Variants in COPS4 observed in about 807,000 individuals in gnomAD.
The protein encoded by COPS4 is COP9 signalosome complex subunit 4.
A neutral mutation model predicts 55.1 loss-of-function variants in COPS4; 8 were observed. The ratio of observed to expected loss-of-function variants is 0.15; its 90% CI spans 0.09 to 0.26. The LOEUF (loss-of-function observed/expected upper bound fraction) is 0.26. Among genes scored for constraint, COPS4 ranks in the 10% least tolerant of loss-of-function variants. The pLI, the probability that COPS4 is intolerant of heterozygous loss-of-function variation, is 1.00. For synonymous variants in COPS4, 185 were observed against 165.7 expected (o/e 1.12, Z -0.90); for missense variants, 248 against 484.0 (o/e 0.51, Z 4.58).
At chr4:83,065,887 G>T (rs1731280808) in intron 7 of COPS4, among the ~76,000 whole-genome samples, 1 of 152,230 alleles carries the variant, frequency 6.6e-6, no homozygotes, top group South Asian at 2.1e-4. Flanking sequence ...TGGTGCCGCG[G>T]CTCATGCCTG....
At chr4:83,042,567 C>G (rs1346783619) in intron 1 of COPS4, among the ~76,000 whole-genome samples, 2 of 150,772 alleles carry the variant, frequency 1.3e-5, no homozygotes, top group Non-Finnish European at 3.0e-5. Context: ...GCACACGCCA[C>G]CACAGCTGGC....
intron 8 of COPS4, among the ~76,000 whole-genome samples, 194 bp downstream of exon 8, chr4:83,066,747 T>C (rs571580388): frequency 6.6e-6 from 1 of 152,332 alleles, no homozygotes; most frequent in South Asian, 2.1e-4. Flanking sequence ...GCCTAGTGTT[T>C]ATTAGTGGAA....
At chr4:83,048,093 A>G (rs187797454) in intron 2 of COPS4, among the ~76,000 whole-genome samples, 42 of 152,354 alleles carry the variant, frequency 2.8e-4, no homozygotes, top group African/African-American at 9.6e-4. Flanking sequence ...TAGTTATAAT[A>G]GTAACATTTG....
At chr4:83,056,236 G>A (rs1731010077) in intron 4 of COPS4, among the ~76,000 whole-genome samples, 1 of 151,900 alleles carries the variant, frequency 6.6e-6, no homozygotes, top group Admixed American at 6.6e-5. Context: ...CCGGCCTTAG[G>A]ATTTATTTTC....
chr4:83,048,419 C>T (rs905396775), intron 2 of COPS4, among the ~76,000 whole-genome samples: 2 of 152,024 alleles, frequency 1.3e-5, no homozygotes, highest in Non-Finnish European at 2.9e-5. Flanking sequence ...GCAGCACTTG[C>T]TTTATTTAAA....
intron 6 of COPS4, among the ~76,000 whole-genome samples, chr4:83,060,248 A>G (rs1361815591): frequency 4.7e-5 from 7 of 147,392 alleles, no homozygotes; most frequent in South Asian, 2.1e-4. Context: ...CAGTGGCACT[A>G]TCTCGGCTCA....
chr4:83,049,442 C>A, intron 3 of COPS4, 125 bp downstream of exon 3: 1 of 796,038 alleles, frequency 1.3e-6, no homozygotes, highest in Non-Finnish European at 1.9e-6. Flanking sequence ...GTGTGCCAAA[C>A]GACATTTTAT....
At chr4:83,056,465 A>AG (rs1731017221) in intron 4 of COPS4, among the ~76,000 whole-genome samples, 1 of 152,234 alleles carries the variant, frequency 6.6e-6, no homozygotes, top group Non-Finnish European at 1.5e-5. Flanking sequence ...GATAATAAAA[A>AG]TTCAATAAAA....
rs529641623 is a variant in COPS4 at position 83,043,487 on chromosome 4, C to G, written c.75-2139C>G. On this transcript the variant is annotated intron_variant, in intron 1 of 9. Transcript: ENST00000264389. ...TGAGCTATGATCATGTCACTGCACT[C>G]TAGCCTGGGCGACAGAGTGAGACCC... is the stretch of plus-strand genomic sequence containing the variant. Among the ~76,000 whole-genome samples the G allele has an allele frequency of 3.2e-5, 4 of 125,456 alleles. No homozygotes were observed. The East Asian group carries it at 9.9e-4, about 31-fold the overall frequency. 82.3% of individuals were successfully genotyped at this position (125,456 alleles called of 152,430 possible). A position where few individuals can be genotyped will look rare whatever the true frequency, so the allele number is the denominator to read the frequency against.
chr4:83,055,156 A>G (rs904367398), intron 4 of COPS4, among the ~76,000 whole-genome samples: 7 of 152,214 alleles, frequency 4.6e-5, no homozygotes, highest in Non-Finnish European at 1.0e-4. Context: ...TGGTGGCACC[A>G]CTTTTGCAGG....
chr4:83,035,196 C>G lies in COPS4; in HGVS notation c.-29C>G, dbSNP rs1730383106. On this transcript the variant is annotated 5_prime_UTR_variant, in exon 1 of 10. Coordinates refer to ENST00000264389, the MANE Select transcript of COPS4 (RefSeq NM_016129.3). ...GTTTTCTTTTTGGCTGCCAGAGGCC[C>G]CCGCATCCACCGCTGAGCTGGGAGA... 1 of 1,536,870 alleles carries G rather than the reference C, an allele frequency of 6.5e-7. No homozygotes were observed. Among genetic ancestry groups the G allele is most frequent in the Non-Finnish European group, 8.8e-7 (1 of 1,130,462 alleles).
At chr4:83,048,578 ATTAT>A (rs1218716837) in intron 2 of COPS4, among the ~76,000 whole-genome samples, 1 of 152,044 alleles carries the variant, frequency 6.6e-6, no homozygotes, top group African/African-American at 2.4e-5. Context: ...ACTTTTTTCA[ATTAT>A]TTCTGTTTCT....
At chr4:83,073,325 A>G in intron 9 of COPS4, 1 of 687,578 alleles carries the variant, frequency 1.5e-6, no homozygotes, top group Non-Finnish European at 2.7e-6. Flanking sequence ...TCAGCATAGT[A>G]TCTTTAGGGT....
intron 8 of COPS4, among the ~76,000 whole-genome samples, chr4:83,066,902 T>C (rs1731304880): frequency 6.6e-6 from 1 of 152,322 alleles, no homozygotes; most frequent in African/African-American, 2.4e-5. Flanking sequence ...AAAGTACCAA[T>C]GACATTCAGA....
rs376606343 is a variant in COPS4, at chr4:83,050,022, G to A, written c.410+38G>A. 3.1e-5 allele frequency: 37 copies of A among 1,184,328 alleles called. No homozygotes were observed. The African/African-American group carries it at 4.2e-4, about 13-fold the overall frequency. The allele number at this position is 1,184,328 out of a possible 1,614,324, so 73.4% of individuals were successfully genotyped here. A position where few individuals can be genotyped will look rare whatever the true frequency, so the allele number is the denominator to read the frequency against. On this transcript the variant is annotated intron_variant, in intron 4 of 9. Transcript: ENST00000264389. ...GTGGATATTGGATGACTATATATAG[G>A]ATGTATATAATTGCTCACTTATATT...
chr4:83,063,187 A>T lies in COPS4; in HGVS notation c.827A>T (p.Asn276Ile), dbSNP rs1160022158. Reference sequence around the variant, plus strand: ...TATCTAGATAGGATCATCAGAGGAAATCAACTTCAAGAATTTGCTGCCATG... The same window carrying T: ...TATCTAGATAGGATCATCAGAGGAATTCAACTTCAAGAATTTGCTGCCATG... ...KMYLDRIIRGNQLQEFAAMLM... is the reference protein window; with the variant it reads ...KMYLDRIIRGIQLQEFAAMLM... The change falls in exon 7 of 10, where the codon AAT becomes ATT. Residue 276 changes from asparagine to isoleucine, a missense_variant. Asn to Ile is a moderately radical substitution (Grantham distance 149). Coordinates refer to ENST00000264389, the MANE Select transcript of COPS4 (RefSeq NM_016129.3). 1 of 1,612,436 alleles carries T rather than the reference A, an allele frequency of 6.2e-7. No homozygotes were observed. The highest frequency in any genetic ancestry group is 8.5e-7 in the Non-Finnish European group (1 of 1,179,648).
chr4:83,059,164 T>C (rs868277727), intron 6 of COPS4, among the ~76,000 whole-genome samples: 1 of 152,208 alleles, frequency 6.6e-6, no homozygotes, highest in African/African-American at 2.4e-5. Flanking sequence ...GGAAGCTCTT[T>C]AGATATGAAG....
intron 4 of COPS4, among the ~76,000 whole-genome samples, chr4:83,050,837 AG>A: frequency 6.6e-6 from 1 of 152,260 alleles, no homozygotes; most frequent in South Asian, 2.1e-4. Context: ...AAGTGAAATG[AG>A]GGGGAGCCAT....
chr4:83,051,782 A>G (rs1016195512), intron 4 of COPS4, among the ~76,000 whole-genome samples: 1 of 152,244 alleles, frequency 6.6e-6, no homozygotes, highest in African/African-American at 2.4e-5. Context: ...AGATTGGATG[A>G]GATGCCCAAA....
Sources: allele counts gnomAD v4.1 joint callset (sites outside exome capture counted in the v4.1 genomes callset), GRCh38; gene constraint gnomAD v4.1.1; transcripts MANE v1.5; gene names NCBI Gene and HGNC (gene_info 2026-07-23, HGNC 2026-07-21).